SPATA31F1: variants seen among roughly 807,000 people sequenced by gnomAD.
SPATA31F1 encodes the protein SPATA31 subfamily F member 1, also known as protein SPATA31F1.
the SPATA31F1 span, chr9:34,724,138 C>T: frequency 2.6e-6 from 4 of 1,546,686 alleles, no homozygotes; most frequent in East Asian, 7.3e-5. Flanking sequence ...GGTCCTTGCT[C>T]TTGCTAGGGC....
At chr9:34,726,396 C>T in the SPATA31F1 span, 2 of 1,548,170 alleles carry the variant, frequency 1.3e-6, no homozygotes, top group Non-Finnish European at 1.7e-6. Flanking sequence ...GGCAGGTGGG[C>T]AGGGAGGACC....
chr9:34,729,173 A>G, the SPATA31F1 span: 1 of 1,277,452 alleles, frequency 7.8e-7, no homozygotes. Flanking sequence ...CACAAAGGTA[A>G]CTGAAAGTAT....
the SPATA31F1 span, chr9:34,728,644 T>C: frequency 4.5e-6 from 7 of 1,551,380 alleles, no homozygotes; most frequent in Non-Finnish European, 6.1e-6. Flanking sequence ...TTGCCTGACT[T>C]TTTGGTGACA....
chr9:34,723,380 G>A, the SPATA31F1 span: 1 of 1,551,716 alleles, frequency 6.4e-7, no homozygotes, highest in Non-Finnish European at 8.7e-7. Context: ...ATCCAAGAAG[G>A]CTGGGCCCAC....
the SPATA31F1 span, chr9:34,727,007 CA>C: frequency 1.9e-6 from 3 of 1,539,572 alleles, no homozygotes; most frequent in Non-Finnish European, 2.6e-6. Flanking sequence ...GGAAACACGG[CA>C]AAATTAACGA....
At chr9:34,728,534 A>T in the SPATA31F1 span, 1 of 1,437,212 alleles carries the variant, frequency 7.0e-7, no homozygotes, top group Non-Finnish European at 9.5e-7. Context: ...TCTTGGCTCC[A>T]GAGGTCACAG....
the SPATA31F1 span, among the ~76,000 whole-genome samples, chr9:34,728,997 C>T: frequency 3.9e-5 from 6 of 152,074 alleles, no homozygotes; most frequent in Non-Finnish European, 7.4e-5. Context: ...GCCCACCAAC[C>T]GGAAAAATCC....
the SPATA31F1 span, chr9:34,728,495 C>G: frequency 1.9e-5 from 19 of 979,762 alleles, no homozygotes; most frequent in Non-Finnish European, 2.8e-5. Flanking sequence ...GTCTGGGGAA[C>G]TGGAGTCTTC....
At chr9:34,723,350 T>C in the SPATA31F1 span, 1 of 1,551,474 alleles carries the variant, frequency 6.4e-7, no homozygotes, top group East Asian at 2.4e-5. Context: ...CCGGAGCTTA[T>C]CGTCTAGGGA....
chr9:34,723,629 G>A, the SPATA31F1 span: 4 of 1,551,590 alleles, frequency 2.6e-6, no homozygotes, highest in Non-Finnish European at 3.5e-6. Context: ...TGTAAGGCTG[G>A]GCTTCTTTTG....
At chr9:34,726,814 C>T in the SPATA31F1 span, 1 of 1,551,812 alleles carries the variant, frequency 6.4e-7, no homozygotes, top group Non-Finnish European at 8.7e-7. Flanking sequence ...TAGACGTAGA[C>T]AGCATCTCTA....
At chr9:34,728,708 T>TTTTG in the SPATA31F1 span, 2 of 1,499,290 alleles carry the variant, frequency 1.3e-6, no homozygotes, top group Non-Finnish European at 1.8e-6. Flanking sequence ...TTCTTTCTCA[T>TTTTG]GTCCAAAATG....
chr9:34,725,937 C>A, the SPATA31F1 span: 4 of 1,550,450 alleles, frequency 2.6e-6, no homozygotes, highest in Non-Finnish European at 2.6e-6. Flanking sequence ...GAAGGGAGCC[C>A]ACAGAATAGC....
At chr9:34,724,583 T>C in the SPATA31F1 span, 11,472 of 1,539,162 alleles carry the variant, frequency 7.5e-3, 602 homozygotes, top group African/African-American at 0.13. Context: ...GGTCAAGATA[T>C]GTGTCTGGAG....
At chr9:34,729,263 C>CTG in the SPATA31F1 span, 1 of 1,549,084 alleles carries the variant, frequency 6.5e-7, no homozygotes, top group African/African-American at 1.4e-5. Context: ...TTAATTAGTT[C>CTG]AGTTGGGATC....
chr9:34,723,209 C>T, the SPATA31F1 span: 1 of 1,545,220 alleles, frequency 6.5e-7, no homozygotes, highest in Non-Finnish European at 8.7e-7. Context: ...ACCAATGTTT[C>T]TATCTGAGGT....
At chr9:34,723,208 T>G in the SPATA31F1 span, 34 of 1,544,980 alleles carry the variant, frequency 2.2e-5, no homozygotes, top group Non-Finnish European at 2.9e-5. Context: ...GACCAATGTT[T>G]CTATCTGAGG....
At chr9:34,728,005 A>G in the SPATA31F1 span, 2 of 1,551,026 alleles carry the variant, frequency 1.3e-6, no homozygotes, top group Non-Finnish European at 1.7e-6. Flanking sequence ...GATAGAGTGC[A>G]AAGAGCAATA....
At chr9:34,723,424 G>C in the SPATA31F1 span, 1 of 1,551,754 alleles carries the variant, frequency 6.4e-7, no homozygotes, top group South Asian at 1.2e-5. Context: ...GGGCCTTGGA[G>C]CACCCTGTCG....
Sources: gnomAD v4.1 joint callset for allele counts (sites outside exome capture counted in the v4.1 genomes callset) on GRCh38, gnomAD v4.1.1 for gene constraint, MANE v1.5 for transcripts, NCBI Gene and HGNC (gene_info 2026-07-23, HGNC 2026-07-21) for gene names.